The following MYT1L variants were observed in gnomAD, a reference collection of about 807,000 sequenced individuals.
The protein encoded by MYT1L is myelin transcription factor 1 like.
Under a neutral mutation model 126.7 loss-of-function variants are expected in MYT1L, and 12 were observed. The ratio of observed to expected loss-of-function variants is 0.09; its 90% CI spans 0.06 to 0.15. MYT1L has a LOEUF of 0.15. Among genes scored for constraint, MYT1L ranks in the 10% least tolerant of loss-of-function variants. The pLI, the probability that MYT1L is intolerant of heterozygous loss-of-function variation, is 1.00. For synonymous variants in MYT1L, 541 were observed against 604.2 expected (o/e 0.90, Z 1.53); for missense variants, 979 against 1,585.2 (o/e 0.62, Z 6.49).
intron 1 of MYT1L, among the ~76,000 whole-genome samples, chr2:2,296,737 G>A (rs755079669): frequency 3.3e-5 from 5 of 152,116 alleles, no homozygotes; most frequent in Admixed American, 6.5e-5. Flanking sequence ...GGCACCATGC[G>A]TCCCTCTAGT....
At chr2:2,038,193 T>C (rs2067103267) in intron 4 of MYT1L, among the ~76,000 whole-genome samples, 1 of 152,242 alleles carries the variant, frequency 6.6e-6, no homozygotes. Context: ...CTGCACTGTT[T>C]AAGATTGACT....
At chr2:1,899,454 G>T (rs2050054581) in intron 14 of MYT1L, among the ~76,000 whole-genome samples, 1 of 152,222 alleles carries the variant, frequency 6.6e-6, no homozygotes, top group Admixed American at 6.5e-5. Flanking sequence ...GTGGCTTGGA[G>T]TTCCCGGGAG....
At chr2:2,063,531 T>C (rs1020881263) in intron 3 of MYT1L, among the ~76,000 whole-genome samples, 1 of 152,072 alleles carries the variant, frequency 6.6e-6, no homozygotes, top group African/African-American at 2.4e-5. Context: ...CTGAGCCAGA[T>C]GACATGAACT....
At chr2:2,308,070 T>C (rs1415732009) in intron 1 of MYT1L, among the ~76,000 whole-genome samples, 1 of 151,866 alleles carries the variant, frequency 6.6e-6, no homozygotes, top group Non-Finnish European at 1.5e-5. Flanking sequence ...ATGCTTCATC[T>C]ATACTTCTGT....
At chr2:2,308,078 T>C (rs13388663) in intron 1 of MYT1L, among the ~76,000 whole-genome samples, 1 of 151,302 alleles carries the variant, frequency 6.6e-6, no homozygotes, top group African/African-American at 2.4e-5. Flanking sequence ...TCTATACTTC[T>C]GTACACTCTA....
At chr2:2,006,789 C>T (rs534274430) in intron 4 of MYT1L, among the ~76,000 whole-genome samples, 31 of 151,814 alleles carry the variant, frequency 2.0e-4, no homozygotes, top group East Asian at 5.8e-4. Flanking sequence ...TTGGCCAGAC[C>T]GGTCTCCAAG....
intron 8 of MYT1L, among the ~76,000 whole-genome samples, chr2:1,951,725 A>G (rs1055399566): frequency 6.6e-6 from 1 of 152,198 alleles, no homozygotes; most frequent in Non-Finnish European, 1.5e-5. Flanking sequence ...CAGCACACGA[A>G]AAACAGTCCA....
At chr2:1,989,316 G>A (rs902867872) in intron 5 of MYT1L, among the ~76,000 whole-genome samples, 12 of 152,254 alleles carry the variant, frequency 7.9e-5, no homozygotes, top group African/African-American at 2.6e-4. Flanking sequence ...AGGAGCTGCA[G>A]TCCTGAAGCC....
intron 18 of MYT1L, among the ~76,000 whole-genome samples, chr2:1,867,997 C>T (rs1471914737): frequency 6.6e-6 from 1 of 151,858 alleles, no homozygotes; most frequent in Non-Finnish European, 1.5e-5. Flanking sequence ...TGACAGAGTC[C>T]TGCTCTGTCA....
chr2:2,256,789 A>G (rs1487154859), intron 2 of MYT1L, among the ~76,000 whole-genome samples: 1 of 152,224 alleles, frequency 6.6e-6, no homozygotes, highest in Non-Finnish European at 1.5e-5. Context: ...AAGGCATAGC[A>G]GTCACTATGT....
intron 8 of MYT1L, among the ~76,000 whole-genome samples, chr2:1,967,964 G>A (rs1399260415): frequency 6.6e-6 from 1 of 152,168 alleles, no homozygotes; most frequent in Non-Finnish European, 1.5e-5. Context: ...CCCCTGCACT[G>A]CTCCCTGCTC....
chr2:2,211,631 C>T (rs189936648), intron 2 of MYT1L, among the ~76,000 whole-genome samples: 60 of 151,880 alleles, frequency 4.0e-4, no homozygotes, highest in African/African-American at 1.4e-3. Context: ...CATGGTGAAA[C>T]CTGTCTCTAC....
chr2:2,308,915 C>T (rs1412041687), intron 1 of MYT1L, among the ~76,000 whole-genome samples: 1 of 151,646 alleles, frequency 6.6e-6, no homozygotes, highest in East Asian at 1.9e-4. Flanking sequence ...GGATACTCTA[C>T]CTGCACCCCA....
intron 8 of MYT1L, among the ~76,000 whole-genome samples, chr2:1,973,699 C>T (rs111463530): frequency 6.6e-6 from 1 of 152,200 alleles, no homozygotes; most frequent in Non-Finnish European, 1.5e-5. Context: ...TTCAATGTAT[C>T]CCTGCCCTTC....
At chr2:2,329,846 G>C (rs1013140982) in intron 1 of MYT1L, among the ~76,000 whole-genome samples, 6 of 151,954 alleles carry the variant, frequency 3.9e-5, no homozygotes, top group Admixed American at 3.9e-4. Flanking sequence ...TGTTCTTTTA[G>C]GTCAATCAGA....
chr2:1,819,733 G>C (rs73184816), intron 21 of MYT1L, among the ~76,000 whole-genome samples: 70 of 152,356 alleles, frequency 4.6e-4, no homozygotes, highest in African/African-American at 1.6e-3. Flanking sequence ...TTTAAAGACA[G>C]ACATTTGTTT....
At chr2:2,270,750 C>T (rs1454820018) in intron 2 of MYT1L, among the ~76,000 whole-genome samples, 1 of 152,106 alleles carries the variant, frequency 6.6e-6, no homozygotes, top group Admixed American at 6.5e-5. Flanking sequence ...ACAGTCTCTG[C>T]CTGCCCTGGT....
intron 2 of MYT1L, among the ~76,000 whole-genome samples, chr2:2,222,188 A>G (rs1050990007): frequency 3.3e-5 from 5 of 152,314 alleles, no homozygotes; most frequent in African/African-American, 1.2e-4. Flanking sequence ...AAGGAGTTCA[A>G]TATCCTTTTA....
chr2:1,965,177 G>T (rs1291315763), intron 8 of MYT1L, among the ~76,000 whole-genome samples: 2 of 149,292 alleles, frequency 1.3e-5, no homozygotes, highest in African/African-American at 5.1e-5. Flanking sequence ...GGGAAGAGGA[G>T]GACCCAGGCA....
Sources: allele counts gnomAD v4.1 joint callset (sites outside exome capture counted in the v4.1 genomes callset), GRCh38; gene constraint gnomAD v4.1.1; transcripts MANE v1.5; gene names NCBI Gene and HGNC (gene_info 2026-07-23, HGNC 2026-07-21).